Variants in EYA1 observed in about 807,000 individuals in gnomAD.
EYA1 encodes protein phosphatase EYA1.
A neutral mutation model predicts 82.0 loss-of-function variants in EYA1; 16 were observed. The observed-to-expected ratio is 0.20, with a 90% CI of 0.13 to 0.30. EYA1 has a LOEUF of 0.30. EYA1 is among the 10% of genes least tolerant of loss of function. EYA1 has a pLI of 1.00. For missense variants in EYA1, 633 were observed against 730.7 expected (o/e 0.87, Z 1.54); for synonymous variants, 261 against 264.4 (o/e 0.99, Z 0.12).
chr8:71,479,727 T>C (rs921063408), intron 2 of EYA1, among the ~76,000 whole-genome samples: 3 of 150,418 alleles, frequency 2.0e-5, no homozygotes, highest in African/African-American at 7.3e-5. Flanking sequence ...GCAGCTACAC[T>C]GGCCCCTGAG....
chr8:71,300,635 A>G (rs1270714256), intron 7 of EYA1, among the ~76,000 whole-genome samples: 2 of 147,878 alleles, frequency 1.4e-5, no homozygotes, highest in Non-Finnish European at 2.9e-5. Flanking sequence ...TTACTCTAAG[A>G]AAAAAAATTA....
chr8:71,523,665 C>T (rs1338815174), intron 2 of EYA1, among the ~76,000 whole-genome samples: 1 of 152,194 alleles, frequency 6.6e-6, no homozygotes, highest in Non-Finnish European at 1.5e-5. Context: ...TGTTATTTCT[C>T]TTGCTGCCAT....
chr8:71,546,104 G>C (rs966260712), intron 1 of EYA1, among the ~76,000 whole-genome samples: 1 of 152,048 alleles, frequency 6.6e-6, no homozygotes, highest in Non-Finnish European at 1.5e-5. Flanking sequence ...GATGCCCCTA[G>C]TGCCAACAAC....
At chr8:71,425,832 T>C (rs1323177166) in intron 2 of EYA1, among the ~76,000 whole-genome samples, 1 of 152,178 alleles carries the variant, frequency 6.6e-6, no homozygotes, top group East Asian at 1.9e-4. Flanking sequence ...AGGGAACCAA[T>C]GGACAAGCCA....
At chr8:71,334,966 C>T (rs114355647) in intron 3 of EYA1, among the ~76,000 whole-genome samples, 2,281 of 152,302 alleles carry the variant, frequency 0.015, 59 homozygotes, top group African/African-American at 0.051. Flanking sequence ...TGTTCCCCTA[C>T]CAAAGAGGCA....
At chr8:71,448,634 T>A (rs1807097166) in intron 2 of EYA1, among the ~76,000 whole-genome samples, 1 of 152,216 alleles carries the variant, frequency 6.6e-6, no homozygotes, top group South Asian at 2.1e-4. Context: ...TGGTTTTCAG[T>A]GTACTTTGCC....
At chr8:71,205,993 ATAAAC>A (rs540072345) in intron 17 of EYA1, among the ~76,000 whole-genome samples, 89 of 152,338 alleles carry the variant, frequency 5.8e-4, no homozygotes, top group Admixed American at 5.2e-3. Context: ...AATTTATTTA[ATAAAC>A]TAAATTGCTC....
intron 11 of EYA1, among the ~76,000 whole-genome samples, chr8:71,247,618 T>C (rs774625746): frequency 6.6e-5 from 10 of 152,186 alleles, no homozygotes; most frequent in Admixed American, 1.3e-4. Context: ...TTTAGGAGAA[T>C]TACAGTTTAC....
intron 12 of EYA1, among the ~76,000 whole-genome samples, chr8:71,227,983 A>C (rs1810759116): frequency 6.6e-6 from 1 of 152,202 alleles, no homozygotes; most frequent in Admixed American, 6.5e-5. Flanking sequence ...TACAGCTCAG[A>C]ATAAATCAGG....
At chr8:71,320,160 G>A (rs151002189) in intron 6 of EYA1, among the ~76,000 whole-genome samples, 136 of 152,236 alleles carry the variant, frequency 8.9e-4, no homozygotes, top group African/African-American at 3.2e-3. Flanking sequence ...TAGAACTGGA[G>A]GAACCCCTAA....
chr8:71,464,750 A>T (rs2129194510), intron 2 of EYA1, among the ~76,000 whole-genome samples: 1 of 152,326 alleles, frequency 6.6e-6, no homozygotes, highest in Admixed American at 6.5e-5. Flanking sequence ...AACCTACATT[A>T]ATCATTCTTT....
At chr8:71,421,341 C>T (rs1295139630) in intron 2 of EYA1, among the ~76,000 whole-genome samples, 1 of 152,172 alleles carries the variant, frequency 6.6e-6, no homozygotes, top group Non-Finnish European at 1.5e-5. Flanking sequence ...CTGGACACTT[C>T]CTAGTCCCAC....
chr8:71,504,556 A>G (rs1449250284), intron 2 of EYA1, among the ~76,000 whole-genome samples: 1 of 152,172 alleles, frequency 6.6e-6, no homozygotes, highest in African/African-American at 2.4e-5. Flanking sequence ...GATACAAAAT[A>G]TGACACAGTT....
intron 1 of EYA1, among the ~76,000 whole-genome samples, chr8:71,542,375 T>C (rs1426307796): frequency 6.6e-6 from 1 of 152,154 alleles, no homozygotes; most frequent in Non-Finnish European, 1.5e-5. Context: ...AGCTCCATTA[T>C]ATTGCAAAGG....
chr8:71,283,542 T>C (rs962157929), intron 9 of EYA1, among the ~76,000 whole-genome samples: 23 of 150,492 alleles, frequency 1.5e-4, no homozygotes, highest in South Asian at 4.2e-4. Context: ...TTTTTTTTTT[T>C]CCACAACCTG....
At chr8:71,370,573 C>T (rs1828022430) in intron 2 of EYA1, among the ~76,000 whole-genome samples, 1 of 151,466 alleles carries the variant, frequency 6.6e-6, no homozygotes, top group African/African-American at 2.4e-5. Context: ...CACAAATCCC[C>T]AAGAATGAAG....
chr8:71,207,208 A>C (rs1383747196), intron 17 of EYA1, among the ~76,000 whole-genome samples: 6 of 152,216 alleles, frequency 3.9e-5, no homozygotes, highest in African/African-American at 1.4e-4. Context: ...CATAGGTTAA[A>C]TATTAAGTAT....
intron 7 of EYA1, among the ~76,000 whole-genome samples, chr8:71,313,933 AT>A (rs1821626963): frequency 6.6e-6 from 1 of 152,212 alleles, no homozygotes; most frequent in African/African-American, 2.4e-5. Context: ...TTCTTCTATC[AT>A]TGTAAAATTC....
At chr8:71,401,606 C>A (rs957239265) in intron 2 of EYA1, among the ~76,000 whole-genome samples, 1 of 152,170 alleles carries the variant, frequency 6.6e-6, no homozygotes, top group African/African-American at 2.4e-5. Context: ...TCTTTGAATT[C>A]CAACTATTGT....
Sources: allele counts gnomAD v4.1 joint callset (sites outside exome capture counted in the v4.1 genomes callset), GRCh38; gene constraint gnomAD v4.1.1; transcripts MANE v1.5; gene names NCBI Gene and HGNC (gene_info 2026-07-23, HGNC 2026-07-21).